The following PELP1 variants were observed in gnomAD, a reference collection of about 807,000 sequenced individuals.
PELP1 encodes the protein proline, glutamate and leucine rich protein 1.
PELP1 carries 32 observed loss-of-function variants against 95.5 expected under a neutral mutation model. The observed-to-expected ratio is 0.34, with a 90% CI of 0.25 to 0.45. The LOEUF (loss-of-function observed/expected upper bound fraction) is 0.45. Among genes scored for constraint, PELP1 ranks in the 20% least tolerant of loss-of-function variants. The pLI, the probability that PELP1 is intolerant of heterozygous loss-of-function variation, is 1.00. For synonymous variants in PELP1, 668 were observed against 600.1 expected, an observed-to-expected ratio of 1.11 and a Z score of -1.65; for missense variants, 1,358 against 1,444.8, an observed-to-expected ratio of 0.94 and a Z score of 0.97.
In PELP1 at chr17:4,672,807, C is replaced by A; in HGVS notation, c.2184G>T (p.Glu728Asp). The A allele has an allele frequency of 6.2e-7, 1 of 1,613,844 alleles. No individual in the cohort carries two copies. The highest frequency in any genetic ancestry group is 8.5e-7 in the Non-Finnish European group (1 of 1,179,834). The change falls in exon 16 of 17, where the codon GAG becomes GAT. Residue 728 changes from glutamate (E) to aspartate (D), a missense_variant. Physicochemically the swap from Glu to Asp is conservative, Grantham distance 45. This residue lies in a region of PELP1 where 340 missense variants were observed against 322.9 expected (regional missense o/e 1.05). Coordinates refer to ENST00000572293, the MANE Select transcript of PELP1 (RefSeq NM_014389.3). Reference protein sequence around the residue: ...SVPPRLLPGPENHRAGSNEDP... With the variant: ...SVPPRLLPGPDNHRAGSNEDP... ...CCTCATTTGAGCCTGCCCGGTGGTT[C>A]TCAGGGCCAGGAAGAAGCCGGGGAG...
In PELP1 at chr17:4,683,564, T is replaced by A. The variant is rs1184894747; in HGVS notation, c.421-612A>T. Among the ~76,000 whole-genome samples, 12 of 134,832 alleles carry A rather than the reference T, an allele frequency of 8.9e-5. No individual in the cohort carries two copies. In the East Asian group the frequency reaches 2.5e-3, roughly 28 times the overall value. 88.5% of individuals were successfully genotyped at this position (134,832 alleles called of 152,430 possible). On this transcript the variant is annotated intron_variant, in intron 3 of 16. Coordinates refer to ENST00000572293, the MANE Select transcript of PELP1 (RefSeq NM_014389.3). ...TTTTTTTTTTGAGACAGAGTCTTGC[T>A]CTGTCCCCCAGGGTGGAATGCACTG...
At position 4,673,162 on chromosome 17, in the gene PELP1, GGGCAAGTGT is replaced by G; in HGVS notation, c.1846-26_1846-18del. ...AGAGGAGACCTGAGGAAAGAAGAAA[GGGCAAGTGT>G]GAGCACCAGAAATACTGGGAGTCTC... On this transcript the variant is annotated intron_variant, in intron 15 of 16. Transcript: ENST00000572293. The surrounding 1 kb of genome is among the most constrained non-coding windows in gnomAD (Gnocchi z 5.7). 6.6e-6 allele frequency: 10 copies of G among 1,512,280 alleles called. No individual in the cohort carries two copies. Among genetic ancestry groups the G allele is most frequent in the Non-Finnish European group, 8.0e-6 (9 of 1,129,016 alleles). 93.7% of individuals were successfully genotyped at this position (1,512,280 alleles called of 1,614,324 possible).
At chr17:4,691,752 CTA>C in intron 1 of PELP1, 1 of 359,884 alleles carries the variant, frequency 2.8e-6, no homozygotes, top group Non-Finnish European at 5.1e-6. Context: ...TGCTTCACCT[CTA>C]TATGTCTGGG....
rs537122837 is a variant in PELP1, at chr17:4,683,455, G to A, written c.421-503C>T. Among the ~76,000 whole-genome samples the A allele has an allele frequency of 2.1e-3, 320 of 150,670 alleles. 2 individuals carry two copies. The highest frequency in any genetic ancestry group is 9.8e-3 in the East Asian group (50 of 5,104). On this transcript the variant is annotated intron_variant, in intron 3 of 16. Coordinates refer to ENST00000572293, the MANE Select transcript of PELP1 (RefSeq NM_014389.3). ...CAGGATGGTCTCGATCTCCGACCTC[G>A]TGATCTGCCCGCCTTGGCCTCCCAA... is the stretch of plus-strand genomic sequence containing the variant.
intron 1 of PELP1, among the ~76,000 whole-genome samples, chr17:4,695,677 A>G (rs2150565189): frequency 6.6e-6 from 1 of 150,424 alleles, no homozygotes; most frequent in East Asian, 2.0e-4. Context: ...TAAAAAAAAA[A>G]AAAAAAAAAA....
At chr17:4,695,851 G>A (rs182123452) in intron 1 of PELP1, among the ~76,000 whole-genome samples, 29 of 151,602 alleles carry the variant, frequency 1.9e-4, no homozygotes, top group Admixed American at 3.3e-4. Flanking sequence ...GCCAGACGTG[G>A]TGGTGTGGTT....
At chr17:4,694,700 C>T (rs549023956) in intron 1 of PELP1, among the ~76,000 whole-genome samples, 68 of 150,348 alleles carry the variant, frequency 4.5e-4, no homozygotes, top group African/African-American at 1.2e-3. Context: ...GGGCCGGGCG[C>T]GGTGGCTTAC....
rs1486340662 is a variant in PELP1 at position 4,675,530 on chromosome 17, G to A, written c.1069-168C>T. 3 of 711,806 alleles carry A rather than the reference G, an allele frequency of 4.2e-6. No homozygotes were observed. Among genetic ancestry groups the A allele is most frequent in the Non-Finnish European group, 7.6e-6 (3 of 393,032 alleles). The allele number at this position is 711,806 out of a possible 1,614,324, so 44.1% of individuals were successfully genotyped here. On this transcript the variant is annotated intron_variant, in intron 9 of 16. Coordinates refer to ENST00000572293, the MANE Select transcript of PELP1 (RefSeq NM_014389.3). The surrounding 1 kb of genome is among the most constrained non-coding windows in gnomAD (Gnocchi z 4.3). ...CCCCTATCCTCTAAAATAGACCCTG[G>A]ATGGAAGGTAAGAAGGATGGCTGGG...
At chr17:4,683,829 CTTTTTTTTTTT>C (rs994295435) in intron 3 of PELP1, among the ~76,000 whole-genome samples, 8 of 91,276 alleles carry the variant, frequency 8.8e-5, no homozygotes, top group African/African-American at 4.4e-4. Context: ...AGTGCCCAGC[CTTTTTTTTTTT>C]TTTTTTTTTT....
chr17:4,687,534 A>G (rs1194670141), intron 3 of PELP1, among the ~76,000 whole-genome samples: 1 of 151,848 alleles, frequency 6.6e-6, no homozygotes, highest in Non-Finnish European at 1.5e-5. Flanking sequence ...ATCTTCAACT[A>G]GAACAGGAAT....
At chr17:4,671,606 C>G (rs191218141) in intron 16 of PELP1, 75 bp from the exon 17 acceptor site, 1 of 1,605,844 alleles carries the variant, frequency 6.2e-7, no homozygotes, top group Non-Finnish European at 8.5e-7. Context: ...GCTGGGCAAA[C>G]CTCTCCTAAG....
At chr17:4,682,646 C>T in intron 4 of PELP1, 73 bp from the exon 5 acceptor site, 2 of 1,441,668 alleles carry the variant, frequency 1.4e-6, no homozygotes, top group Non-Finnish European at 1.9e-6. Flanking sequence ...CCCCAGCACC[C>T]CACAAGGGCC....
chr17:4,690,005 G>T (rs773279140), intron 3 of PELP1, among the ~76,000 whole-genome samples: 2 of 152,076 alleles, frequency 1.3e-5, no homozygotes, highest in Non-Finnish European at 2.9e-5. Flanking sequence ...CAGCCTGGGC[G>T]ACAGAGCAAA....
rs559088156 is a variant in PELP1 at position 4,703,454 on chromosome 17, G to A, written c.249+409C>T. Among the ~76,000 whole-genome samples the A allele has an allele frequency of 1.6e-4, 25 of 152,310 alleles. No homozygotes were observed. The South Asian group carries it at 4.3e-3, about 26-fold the overall frequency. ...TGTATCGCCACCACGTCTGTAACCG[G>A]AGCGCCTAGTACAGTATCTGACCCT... On this transcript the variant is annotated intron_variant, in intron 1 of 16. Transcript: ENST00000572293.
In PELP1 at chr17:4,675,922, C is replaced by G. The variant is rs760734719; in HGVS notation, c.981-38G>C. On this transcript the variant is annotated intron_variant, in intron 8 of 16. Transcript: ENST00000572293. This position sits in a 1 kb window ranked among gnomAD's most constrained non-coding sequence, Gnocchi z 4.3. ...AGAGCAGGGAGACCTTCAGAGCAGG[C>G]TCCCTGGCATAACTCCCACACCCAC... 2.5e-6 allele frequency: 4 copies of G among 1,581,328 alleles called. No individual in the cohort carries two copies. The highest frequency in any genetic ancestry group is 1.7e-6 in the Non-Finnish European group (2 of 1,160,240).
chr17:4,671,472 C>A lies in PELP1; in HGVS notation c.3360G>T (p.Glu1120Asp). Residue 1120 changes from glutamate (E) to aspartate (D), a missense_variant, in exon 17 of 17, where the codon GAG (glutamate) becomes GAT (aspartate). By Grantham distance (45) the Glu-to-Asp change is conservative. This residue lies in a region of PELP1 where 283 missense variants were observed against 284.1 expected (regional missense o/e 1.00). Transcript: ENST00000572293. ...CAGGCTCTGTGGGAGGTGGTGGCTT[C>A]TCATCATCAGGGGGACAATCGATGA... The part of the protein sequence containing the change: ...ADFIDCPPDD[E>D]KPPPPTEPDS The A allele has an allele frequency of 6.2e-7, 1 of 1,605,716 alleles. No homozygotes were observed. Among genetic ancestry groups the A allele is most frequent in the South Asian group, 1.1e-5 (1 of 90,886 alleles).
chr17:4,674,601 T>C lies in PELP1; in HGVS notation c.1491A>G (p.Leu497=). 2.5e-6 allele frequency: 4 copies of C among 1,609,470 alleles called. 1 individual carries two copies. Among genetic ancestry groups the C allele is most frequent in the South Asian group, 2.2e-5 (2 of 90,570 alleles). ...CCATAGCTTCCCCCACATCCAGCTT[T>C]AGCTTCTTGGGGGCGCTAGGCTTCC... The part of the protein sequence containing the change: ...QTGKPSAPKK[L]KLDVGEAMAP... The change falls in exon 13 of 17, where the codon CTA becomes CTG. Residue 497 remains leucine, a synonymous_variant. Coordinates refer to ENST00000572293, the MANE Select transcript of PELP1 (RefSeq NM_014389.3).
Position 4,675,163 on chromosome 17 carries a change from A to C in PELP1, c.1190T>G (p.Leu397Arg). ...GACCTGGGGAAGCAGGCGGCCGATC[A>C]GGATCCCAAAGCGCAAGAGCCGGCT... The part of the protein sequence containing the change: ...CGSRLLRFGI[L>R]IGRLLPQVLN... The change falls in exon 11 of 17, where the codon CTG becomes CGG. Residue 397 changes from leucine (L) to arginine (R), a missense_variant. This residue lies in a region of PELP1 where 538 missense variants were observed against 628.1 expected (regional missense o/e 0.86). Coordinates refer to ENST00000572293, the MANE Select transcript of PELP1 (RefSeq NM_014389.3). This position sits in a 1 kb window ranked among gnomAD's most constrained non-coding sequence, Gnocchi z 4.3. 6.2e-7 allele frequency: 1 copy of C among 1,613,752 alleles called. No individual in the cohort carries two copies. The highest frequency in any genetic ancestry group is 8.5e-7 in the Non-Finnish European group (1 of 1,179,760).
chr17:4,681,628 C>T (rs1416186631), intron 5 of PELP1, among the ~76,000 whole-genome samples: 1 of 151,874 alleles, frequency 6.6e-6, no homozygotes, highest in Non-Finnish European at 1.5e-5. Context: ...GATGAAACCC[C>T]ATCTCTACTA....
Sources: gnomAD v4.1 joint callset for allele counts (sites outside exome capture counted in the v4.1 genomes callset) on GRCh38, gnomAD v4.1.1 for gene constraint, gnomAD v4.1.1 regional missense constraint, Gnocchi (gnomAD v3.1) non-coding constraint, MANE v1.5 for transcripts, NCBI Gene and HGNC (gene_info 2026-07-23, HGNC 2026-07-21) for gene names.